Variants in GPC5 observed in about 807,000 individuals in gnomAD.
The protein encoded by GPC5 is glypican 5, also known as glypican-5.
A neutral mutation model predicts 53.9 loss-of-function variants in GPC5; 47 were observed. That is an observed-to-expected ratio of 0.87 (90% confidence interval 0.69 to 1.11). The LOEUF (loss-of-function observed/expected upper bound fraction) is 1.11, where lower values mean the gene tolerates loss of function less well. GPC5 is among the 50% of genes most tolerant of loss of function. The pLI is 0.00. For synonymous variants in GPC5, 286 were observed against 263.3 expected (o/e 1.09, Z -0.84); for missense variants, 748 against 713.1 (o/e 1.05, Z -0.56).
At chr13:92,166,709 T>A (rs1261641169) in intron 7 of GPC5, among the ~76,000 whole-genome samples, 1 of 152,206 alleles carries the variant, frequency 6.6e-6, no homozygotes, top group Admixed American at 6.5e-5. Context: ...ATACCCTTGA[T>A]GAGTGATCTT....
chr13:92,759,877 G>A (rs1171587414), intron 7 of GPC5, among the ~76,000 whole-genome samples: 1 of 151,982 alleles, frequency 6.6e-6, no homozygotes, highest in Non-Finnish European at 1.5e-5. Flanking sequence ...TTATTATAGT[G>A]AGAAACTTTC....
At chr13:92,594,868 A>G (rs1176872793) in intron 7 of GPC5, among the ~76,000 whole-genome samples, 1 of 152,248 alleles carries the variant, frequency 6.6e-6, no homozygotes, top group East Asian at 1.9e-4. Context: ...TTCACCCAGT[A>G]CATCTTATTA....
intron 7 of GPC5, among the ~76,000 whole-genome samples, chr13:92,353,214 T>C (rs1255377656): frequency 7.2e-6 from 1 of 138,442 alleles, no homozygotes; most frequent in East Asian, 2.2e-4. Context: ...GAGCCGAGAT[T>C]GCGCCACTGC....
At chr13:92,567,826 G>A (rs572213014) in intron 7 of GPC5, among the ~76,000 whole-genome samples, 1 of 152,192 alleles carries the variant, frequency 6.6e-6, no homozygotes, top group East Asian at 1.9e-4. Flanking sequence ...TCTTACATTT[G>A]TTATTGTTTT....
intron 2 of GPC5, among the ~76,000 whole-genome samples, chr13:91,469,149 C>G (rs1882439983): frequency 6.6e-6 from 1 of 151,948 alleles, no homozygotes; most frequent in Admixed American, 6.6e-5. Flanking sequence ...TGCTGTGTTG[C>G]CCAGGCTGGA....
intron 2 of GPC5, among the ~76,000 whole-genome samples, chr13:91,491,208 C>G (rs1159839130): frequency 6.6e-6 from 1 of 152,184 alleles, no homozygotes; most frequent in Non-Finnish European, 1.5e-5. Context: ...ATCTGTATAA[C>G]TGGCCCCCAA....
At chr13:92,403,223 A>G (rs1419657553) in intron 7 of GPC5, among the ~76,000 whole-genome samples, 1 of 152,222 alleles carries the variant, frequency 6.6e-6, no homozygotes. Context: ...TTAAGGATTT[A>G]ATGGCTACAT....
intron 2 of GPC5, among the ~76,000 whole-genome samples, chr13:91,654,942 A>G (rs1479171683): frequency 6.6e-6 from 1 of 152,156 alleles, no homozygotes; most frequent in Non-Finnish European, 1.5e-5. Flanking sequence ...CAGTATTGCA[A>G]TAATTTTCTT....
intron 1 of GPC5, among the ~76,000 whole-genome samples, chr13:91,411,086 C>T (rs1877743392): frequency 6.6e-6 from 1 of 152,096 alleles, no homozygotes; most frequent in Non-Finnish European, 1.5e-5. Context: ...TCCAGCCTGG[C>T]GTCAGAGCGA....
At chr13:92,605,586 TTTTTTTA>T in intron 7 of GPC5, among the ~76,000 whole-genome samples, 1 of 149,354 alleles carries the variant, frequency 6.7e-6, no homozygotes, top group African/African-American at 2.6e-5. Context: ...GTTTTTTTTT[TTTTTTTA>T]TTTTTTTGAG....
chr13:92,119,799 T>C (rs2041633952), intron 6 of GPC5, among the ~76,000 whole-genome samples: 1 of 151,444 alleles, frequency 6.6e-6, no homozygotes. Context: ...GATGAGTTTT[T>C]TAGTTTTGTG....
intron 2 of GPC5, among the ~76,000 whole-genome samples, chr13:91,629,072 G>T (rs535303994): frequency 6.6e-6 from 1 of 152,282 alleles, no homozygotes; most frequent in African/African-American, 2.4e-5. Flanking sequence ...TCTGCCACAT[G>T]GAAGGAGCTC....
chr13:92,865,316 T>C (rs1566451168), intron 7 of GPC5, among the ~76,000 whole-genome samples: 1 of 151,166 alleles, frequency 6.6e-6, no homozygotes, highest in Non-Finnish European at 1.5e-5. Flanking sequence ...TGTTGATAGA[T>C]ATCTACACCT....
chr13:92,280,801 T>G (rs998691780), intron 7 of GPC5, among the ~76,000 whole-genome samples: 1 of 152,058 alleles, frequency 6.6e-6, no homozygotes, highest in Non-Finnish European at 1.5e-5. Flanking sequence ...ACAGCTCCAG[T>G]CTATAGCTCC....
intron 7 of GPC5, among the ~76,000 whole-genome samples, chr13:92,793,915 C>T (rs1235038762): frequency 6.6e-6 from 1 of 152,036 alleles, no homozygotes; most frequent in Non-Finnish European, 1.5e-5. Context: ...CAAAAAAAGT[C>T]CAGGACCAGA....
At chr13:92,133,091 G>C (rs981805430) in intron 6 of GPC5, among the ~76,000 whole-genome samples, 2 of 152,058 alleles carry the variant, frequency 1.3e-5, no homozygotes, top group Non-Finnish European at 2.9e-5. Context: ...ATATTGACCA[G>C]AATCGTAGTC....
rs562478884 is a variant in GPC5, at chr13:91,447,432, G to C, written c.164-1329G>C. ...AACGATTGCCAAAATGTTACCTACTGTGACACTTACGAATATTTTATGCTT... is the reference window on the plus strand; with the variant it reads ...AACGATTGCCAAAATGTTACCTACTCTGACACTTACGAATATTTTATGCTT... On this transcript the variant is annotated intron_variant, in intron 1 of 7. Coordinates refer to ENST00000377067, the MANE Select transcript of GPC5 (RefSeq NM_004466.6). 1.1e-3 allele frequency among the ~76,000 whole-genome samples: 165 copies of C among 151,402 alleles called. 1 individual carries two copies. Among genetic ancestry groups the C allele is most frequent in the African/African-American group, 3.8e-3 (158 of 41,210 alleles).
At chr13:92,776,706 A>T (rs189543956) in intron 7 of GPC5, among the ~76,000 whole-genome samples, 3 of 152,298 alleles carry the variant, frequency 2.0e-5, no homozygotes, top group Admixed American at 2.0e-4. Context: ...CATAACACCC[A>T]ATCACCCTAT....
intron 2 of GPC5, among the ~76,000 whole-genome samples, chr13:91,510,514 A>G (rs1315899304): frequency 3.3e-5 from 5 of 152,148 alleles, no homozygotes; most frequent in Middle Eastern, 6.3e-3. Flanking sequence ...TAGATATATA[A>G]TTTCTGTCCA....
Sources: gnomAD v4.1 joint callset for allele counts (sites outside exome capture counted in the v4.1 genomes callset) on GRCh38, gnomAD v4.1.1 for gene constraint, MANE v1.5 for transcripts, NCBI Gene and HGNC (gene_info 2026-07-23, HGNC 2026-07-21) for gene names.